GRID1: variants seen among roughly 807,000 people sequenced by gnomAD.
GRID1 encodes the protein glutamate ionotropic receptor delta type subunit 1.
GRID1 carries 28 observed loss-of-function variants against 98.0 expected under a neutral mutation model. The ratio of observed to expected loss-of-function variants is 0.29; its 90% CI spans 0.21 to 0.39. The LOEUF (loss-of-function observed/expected upper bound fraction) is 0.39, where lower values mean the gene tolerates loss of function less well. GRID1 is among the 10% of genes least tolerant of loss of function. GRID1 has a pLI of 1.00. For missense variants in GRID1, 1,111 were observed against 1,340.5 expected (o/e 0.83, Z 2.67); for synonymous variants, 553 against 538.5 (o/e 1.03, Z -0.37).
chr10:85,845,519 C>G (rs931920185), intron 8 of GRID1, among the ~76,000 whole-genome samples: 2 of 152,102 alleles, frequency 1.3e-5, no homozygotes, highest in African/African-American at 4.8e-5. Flanking sequence ...CAGTCAAAAT[C>G]CCAAATTTTT....
At chr10:86,304,071 T>A (rs1847726498) in intron 2 of GRID1, among the ~76,000 whole-genome samples, 1 of 152,126 alleles carries the variant, frequency 6.6e-6, no homozygotes, top group Admixed American at 6.5e-5. Context: ...TGGTAGTGAC[T>A]CTCTCTGCTC....
At chr10:85,839,403 C>T (rs1209913051) in intron 8 of GRID1, among the ~76,000 whole-genome samples, 1 of 152,162 alleles carries the variant, frequency 6.6e-6, no homozygotes, top group African/African-American at 2.4e-5. Flanking sequence ...AAACACTCAT[C>T]AGCCAATGCA....
intron 13 of GRID1, among the ~76,000 whole-genome samples, chr10:85,626,839 C>T (rs1040415762): frequency 5.3e-5 from 8 of 152,144 alleles, no homozygotes; most frequent in Non-Finnish European, 1.0e-4. Flanking sequence ...ATTTTGCAAT[C>T]GGCTGGTGGG....
intron 8 of GRID1, among the ~76,000 whole-genome samples, chr10:85,812,034 A>C (rs1842676424): frequency 6.6e-6 from 1 of 152,226 alleles, no homozygotes; most frequent in Non-Finnish European, 1.5e-5. Flanking sequence ...AGGCCAGAAA[A>C]GAATGGAATA....
chr10:85,613,779 G>C, intron 14 of GRID1, 132 bp from the exon 15 acceptor site: 1 of 1,071,330 alleles, frequency 9.3e-7, no homozygotes, highest in Non-Finnish European at 1.4e-6. Context: ...TTCTGCCTTA[G>C]CTCTTCTCTT....
intron 4 of GRID1, among the ~76,000 whole-genome samples, chr10:86,072,162 A>G (rs1843813622): frequency 6.6e-6 from 1 of 152,208 alleles, no homozygotes; most frequent in Non-Finnish European, 1.5e-5. Context: ...TGTTTTATGC[A>G]GAGGAACAAG....
At chr10:85,799,776 T>A (rs1475811624) in intron 8 of GRID1, among the ~76,000 whole-genome samples, 1 of 151,824 alleles carries the variant, frequency 6.6e-6, no homozygotes, top group African/African-American at 2.4e-5. Context: ...TAAAGAGGAG[T>A]AATGACTTCT....
intron 8 of GRID1, among the ~76,000 whole-genome samples, chr10:85,819,967 GAGGAAGGAAGGA>G (rs544578610): frequency 0.02 from 1,774 of 88,400 alleles, 62 homozygotes; most frequent in African/African-American, 0.04. Flanking sequence ...GAGAAAGAGA[GAGGAAGGAAGGA>G]AGGAAGGAAG....
intron 4 of GRID1, among the ~76,000 whole-genome samples, chr10:86,094,225 C>T (rs982145736): frequency 1.3e-5 from 2 of 152,188 alleles, no homozygotes; most frequent in Non-Finnish European, 2.9e-5. Context: ...CTATGACAAA[C>T]CCACAGCCAA....
intron 2 of GRID1, among the ~76,000 whole-genome samples, chr10:86,312,977 A>G (rs1169162532): frequency 2.0e-5 from 3 of 152,248 alleles, no homozygotes; most frequent in Admixed American, 2.0e-4. Flanking sequence ...TGTGGCAACG[A>G]AACAACAGAG....
chr10:86,121,368 C>T (rs1241143578), intron 4 of GRID1, among the ~76,000 whole-genome samples: 1 of 151,328 alleles, frequency 6.6e-6, no homozygotes, highest in Non-Finnish European at 1.5e-5. Context: ...TCACCACCAA[C>T]ACCACCATCT....
intron 4 of GRID1, among the ~76,000 whole-genome samples, chr10:85,988,310 C>T (rs1392049494): frequency 6.6e-6 from 1 of 152,172 alleles, no homozygotes; most frequent in Non-Finnish European, 1.5e-5. Flanking sequence ...GTGTCCCCTA[C>T]CCTTCACACA....
At chr10:86,338,269 G>A (rs541869063) in intron 2 of GRID1, among the ~76,000 whole-genome samples, 21 of 142,542 alleles carry the variant, frequency 1.5e-4, no homozygotes, top group South Asian at 4.5e-4. Flanking sequence ...ACCAGGGTGG[G>A]CCAATCAGAG....
chr10:85,617,234 C>T (rs113510769), intron 14 of GRID1, among the ~76,000 whole-genome samples: 14 of 142,356 alleles, frequency 9.8e-5, no homozygotes, highest in South Asian at 7.8e-4. Context: ...AGCCCCCCCC[C>T]CCTTTTATTT....
intron 12 of GRID1, among the ~76,000 whole-genome samples, chr10:85,672,120 G>C (rs1841092893): frequency 6.6e-6 from 1 of 152,180 alleles, no homozygotes; most frequent in South Asian, 2.1e-4. Flanking sequence ...GATATAAGTG[G>C]CTATACCAAA....
intron 3 of GRID1, among the ~76,000 whole-genome samples, chr10:86,165,099 T>C (rs1589394059): frequency 1.3e-5 from 2 of 151,848 alleles, no homozygotes; most frequent in Admixed American, 6.6e-5. Context: ...CGAACAGTCA[T>C]GGAGCAGCCA....
At chr10:86,032,385 G>T (rs181628860) in intron 4 of GRID1, among the ~76,000 whole-genome samples, 12 of 152,182 alleles carry the variant, frequency 7.9e-5, no homozygotes, top group African/African-American at 1.9e-4. Context: ...CGAGTGTAAG[G>T]GGGGGAAGTG....
At chr10:86,112,654 G>A (rs1161085723) in intron 4 of GRID1, among the ~76,000 whole-genome samples, 4 of 152,186 alleles carry the variant, frequency 2.6e-5, no homozygotes, top group Admixed American at 2.0e-4. Context: ...GGCTCCTGCT[G>A]CAAATCTCAC....
At chr10:86,021,232 C>T (rs1035764921) in intron 4 of GRID1, among the ~76,000 whole-genome samples, 4 of 152,190 alleles carry the variant, frequency 2.6e-5, no homozygotes, top group Admixed American at 6.5e-5. Context: ...CCTATCTGGG[C>T]TTCTCTGGGT....
Sources: gnomAD v4.1 joint callset for allele counts (sites outside exome capture counted in the v4.1 genomes callset) on GRCh38, gnomAD v4.1.1 for gene constraint, MANE v1.5 for transcripts, NCBI Gene and HGNC (gene_info 2026-07-23, HGNC 2026-07-21) for gene names.